Variants in WNK2 observed in about 807,000 individuals in gnomAD.
The protein encoded by WNK2 is WNK lysine deficient protein kinase 2.
WNK2 carries 67 observed loss-of-function variants against 192.1 expected under a neutral mutation model. That is an observed-to-expected ratio of 0.35 (90% CI 0.29 to 0.43). The LOEUF (loss-of-function observed/expected upper bound fraction) is 0.43. Among genes scored for constraint, WNK2 ranks in the 20% least tolerant of loss-of-function variants. WNK2 has a pLI of 1.00. For missense variants in WNK2, 2,698 were observed against 3,089.7 expected (o/e 0.87, Z 3.01); for synonymous variants, 1,439 against 1,393.9 (o/e 1.03, Z -0.72).
intron 5 of WNK2, among the ~76,000 whole-genome samples, chr9:93,237,758 T>G (rs1840070141): frequency 6.6e-6 from 1 of 152,236 alleles, no homozygotes; most frequent in Admixed American, 6.5e-5. Flanking sequence ...CTCCCTGTGG[T>G]TCTTCACCCG....
At chr9:93,231,209 AC>A in intron 4 of WNK2, 101 bp downstream of exon 4, 1 of 1,179,990 alleles carries the variant, frequency 8.5e-7, no homozygotes, top group Non-Finnish European at 1.2e-6. Context: ...GGTGCAGGAG[AC>A]CCAGTGGGAG....
rs1855174112 is a variant in WNK2 at position 93,318,858 on chromosome 9, C to T, written c.6628+1227C>T. ...AGGGGAAGGCCCCAGCCTCCTCCAC[C>T]TCCCACTGGAAAGCAGACTGCTTGG... On this transcript the variant is annotated intron_variant, in intron 29 of 29. Transcript: ENST00000427277. 5 of 1,399,052 alleles carry T rather than the reference C, an allele frequency of 3.6e-6. No individual in the cohort carries two copies. In the Admixed American group the frequency reaches 8.9e-5, roughly 25 times the overall value. The allele number at this position is 1,399,052 out of a possible 1,614,324, so 86.7% of individuals were successfully genotyped here. A position where few individuals can be genotyped will look rare whatever the true frequency, so the allele number is the denominator to read the frequency against.
chr9:93,268,727 G>C lies in WNK2; in HGVS notation c.4014G>C (p.Leu1338=), dbSNP rs1346477692. 2 of 1,612,606 alleles carry C rather than the reference G, an allele frequency of 1.2e-6. No homozygotes were observed. Among genetic ancestry groups the C allele is most frequent in the African/African-American group, 2.7e-5 (2 of 74,838 alleles). The stretch of plus-strand genomic sequence containing the variant: ...CGCCCCCACTTCCTCTAAGCTCCCT[G>C]CCGCCAGAAGCCAGCCAAGGTATGA... ...ESSPPLPLSS[L]PPEASQDSAP... is the part of the protein sequence containing the mutation. The change falls in exon 19 of 30, where the codon CTG becomes CTC. Residue 1338 remains leucine, a synonymous_variant. Coordinates refer to ENST00000427277, the MANE Select transcript of WNK2 (RefSeq NM_006648.4).
At position 93,297,826 on chromosome 9, in the gene WNK2, G is replaced by A. The variant is rs369992605; in HGVS notation, c.5709-27G>A. ...GTTGGAAACACCGAGGAAGCCCATC[G>A]GCGCTCCCTCCTGTCCCCTCCTGCA... is the stretch of plus-strand genomic sequence containing the variant. On this transcript the variant is annotated intron_variant, in intron 23 of 29. Coordinates refer to ENST00000427277, the MANE Select transcript of WNK2 (RefSeq NM_006648.4). The A allele has an allele frequency of 7.8e-5, 120 of 1,545,644 alleles. 1 individual carries two copies. The highest frequency in any genetic ancestry group is 3.8e-4 in the South Asian group (32 of 84,218).
In WNK2 at chr9:93,307,032, G is replaced by GT. The variant is rs1852708502; in HGVS notation, c.6259+214dup. ...CCCCGTGTGTCTCGTGGCGCCTAGAGTTTGTGCGGTCTCGCCAGTTCACAT... is the reference window on the plus strand; with the variant it reads ...CCCCGTGTGTCTCGTGGCGCCTAGAGTTTTGTGCGGTCTCGCCAGTTCACAT... On this transcript the variant is annotated intron_variant, in intron 27 of 29. Coordinates refer to ENST00000427277, the MANE Select transcript of WNK2 (RefSeq NM_006648.4). 4.8e-6 allele frequency: 3 copies of GT among 620,342 alleles called. No homozygotes were observed. In the East Asian group the frequency reaches 8.2e-5, roughly 17 times the overall value. The allele number at this position is 620,342 out of a possible 1,614,324, so 38.4% of individuals were successfully genotyped here.
chr9:93,272,775 G>A (rs972123384), intron 19 of WNK2, among the ~76,000 whole-genome samples: 1 of 140,242 alleles, frequency 7.1e-6, no homozygotes, highest in South Asian at 2.2e-4. Context: ...ACCCGGAAGA[G>A]GAAATGAGAA....
Position 93,293,169 on chromosome 9 carries a change from G to A in WNK2, c.5704G>A (p.Glu1902Lys). ...DIKKELQSLR[E>K]KHLKEISELQ... ...AAAGAAGGAGCTGCAGAGTCTGCGG[G>A]AGAAGTAGGTCCTGCGGGCAGGAAG... Residue 1902 changes from glutamate to lysine, a missense_variant, in exon 23 of 30, where the codon GAG becomes AAG. Physicochemically the swap from Glu to Lys is moderately conservative, Grantham distance 56. This residue lies in a region of WNK2 where 1,098 missense variants were observed against 1,101.0 expected (regional missense o/e 1.00). Coordinates refer to ENST00000427277, the MANE Select transcript of WNK2 (RefSeq NM_006648.4). 6 of 1,505,242 alleles carry A rather than the reference G, an allele frequency of 4.0e-6. No homozygotes were observed. The highest frequency in any genetic ancestry group is 5.3e-6 in the Non-Finnish European group (6 of 1,130,662). 93.2% of individuals were successfully genotyped at this position (1,505,242 alleles called of 1,614,324 possible).
intron 2 of WNK2, among the ~76,000 whole-genome samples, chr9:93,192,207 G>A (rs548019494): frequency 2.0e-5 from 3 of 152,070 alleles, no homozygotes; most frequent in South Asian, 2.1e-4. Context: ...CCAGCTACTC[G>A]GGAGGCTGAG....
rs147034335 is a variant in WNK2, at chr9:93,269,539, A to G, written c.4033+793A>G. Among the ~76,000 whole-genome samples the G allele has an allele frequency of 5.4e-3, 825 of 152,352 alleles. 8 individuals are homozygous for G. Among genetic ancestry groups the G allele is most frequent in the African/African-American group, 0.019 (776 of 41,588 alleles). Reference sequence around the variant, plus strand: ...CAACGAGCTGAAACAAGGTGATCTCAGGTAAAGGGCTTGGCCTCAGCCTGG... The same window carrying G: ...CAACGAGCTGAAACAAGGTGATCTCGGGTAAAGGGCTTGGCCTCAGCCTGG... On this transcript the variant is annotated intron_variant, in intron 19 of 29. Coordinates refer to ENST00000427277, the MANE Select transcript of WNK2 (RefSeq NM_006648.4).
intron 28 of WNK2, among the ~76,000 whole-genome samples, chr9:93,310,880 C>T (rs1295413705): frequency 1.3e-5 from 2 of 152,208 alleles, no homozygotes; most frequent in Non-Finnish European, 2.9e-5. Flanking sequence ...GGGAGGATCG[C>T]TGGAGCCCAG....
At chr9:93,203,336 G>A (rs1427917170) in intron 2 of WNK2, among the ~76,000 whole-genome samples, 2 of 151,966 alleles carry the variant, frequency 1.3e-5, no homozygotes, top group African/African-American at 4.8e-5. Context: ...ATTGGTGGCG[G>A]GTGGTAGCAG....
intron 5 of WNK2, among the ~76,000 whole-genome samples, chr9:93,236,869 G>A (rs114801880): frequency 0.014 from 2,110 of 152,362 alleles, 41 homozygotes; most frequent in African/African-American, 0.048. Flanking sequence ...GCATCATGGC[G>A]CTGCCTCTAC....
chr9:93,202,325 C>CGAGTGTGTGT (rs1554679106), intron 2 of WNK2, among the ~76,000 whole-genome samples: 1 of 130,564 alleles, frequency 7.7e-6, no homozygotes, highest in Non-Finnish European at 1.7e-5. Context: ...TCCGTGTGCA[C>CGAGTGTGTGT]GTGTGTGTGT....
intron 2 of WNK2, among the ~76,000 whole-genome samples, chr9:93,219,648 G>A (rs1836451587): frequency 2.0e-5 from 3 of 152,256 alleles, no homozygotes; most frequent in African/African-American, 7.2e-5. Context: ...TCTGGGACAC[G>A]CAGTGCTGAG....
At chr9:93,198,869 T>G (rs542792429) in intron 2 of WNK2, among the ~76,000 whole-genome samples, 10 of 152,300 alleles carry the variant, frequency 6.6e-5, no homozygotes, top group African/African-American at 2.4e-4. Flanking sequence ...ACCCCTGGCC[T>G]TGCTGCCCAA....
chr9:93,210,649 T>C lies in WNK2; in HGVS notation c.682-19047T>C, dbSNP rs542989977. On this transcript the variant is annotated intron_variant, in intron 2 of 29. Transcript: ENST00000427277. ...CCTTGTGAGCCCGCAGGCTCCACTCTGCATCCCTGAGCAGGTGAGGGCTCT... is the reference window on the plus strand; with the variant it reads ...CCTTGTGAGCCCGCAGGCTCCACTCCGCATCCCTGAGCAGGTGAGGGCTCT... Among the ~76,000 whole-genome samples, 402 of 152,284 alleles carry C rather than the reference T, an allele frequency of 2.6e-3. 3 individuals are homozygous for C. The highest frequency in any genetic ancestry group is 0.017 in the South Asian group (83 of 4,826).
At chr9:93,204,717 G>C (rs1468589688) in intron 2 of WNK2, among the ~76,000 whole-genome samples, 1 of 152,238 alleles carries the variant, frequency 6.6e-6, no homozygotes, top group Non-Finnish European at 1.5e-5. Flanking sequence ...GCCTGGCCCT[G>C]ATGTGAATGT....
chr9:93,206,219 T>G (rs918032153), intron 2 of WNK2, among the ~76,000 whole-genome samples: 2 of 152,194 alleles, frequency 1.3e-5, no homozygotes, highest in Non-Finnish European at 2.9e-5. Context: ...TTTCCTAACA[T>G]GTAGGGCCCC....
intron 5 of WNK2, among the ~76,000 whole-genome samples, chr9:93,236,350 C>T (rs1003751796): frequency 2.6e-5 from 4 of 152,152 alleles, no homozygotes; most frequent in African/African-American, 9.7e-5. Flanking sequence ...GTGTCTGCCC[C>T]AGGCTGGGGG....
Sources: gnomAD v4.1 joint callset for allele counts (sites outside exome capture counted in the v4.1 genomes callset) on GRCh38, gnomAD v4.1.1 for gene constraint, gnomAD v4.1.1 regional missense constraint, MANE v1.5 for transcripts, NCBI Gene and HGNC (gene_info 2026-07-23, HGNC 2026-07-21) for gene names.